The following CSMD1 variants were observed in gnomAD, a reference collection of about 807,000 sequenced individuals.
The protein encoded by CSMD1 is CUB and Sushi multiple domains 1, also known as CUB and sushi domain-containing protein 1.
A neutral mutation model predicts 417.5 loss-of-function variants in CSMD1; 213 were observed. The ratio of observed to expected loss-of-function variants is 0.51; its 90% CI spans 0.46 to 0.57. The LOEUF is 0.57. CSMD1 is among the 20% of genes least tolerant of loss of function. CSMD1 has a pLI of 0.00. For missense variants in CSMD1, 6,923 were observed against 4,529.7 expected (o/e 1.53, Z -15.17); for synonymous variants, 2,862 against 1,736.8 (o/e 1.65, Z -16.11).
At chr8:4,398,388 C>CTTTT (rs767579097) in intron 3 of CSMD1, among the ~76,000 whole-genome samples, 1,275 of 114,312 alleles carry the variant, frequency 0.011, 3 homozygotes, top group Non-Finnish European at 0.015. Context: ...GCTGCAACTT[C>CTTTT]TTTTTTTTTT....
chr8:4,538,863 A>T (rs1797240466), intron 2 of CSMD1, among the ~76,000 whole-genome samples: 1 of 152,190 alleles, frequency 6.6e-6, no homozygotes, highest in Non-Finnish European at 1.5e-5. Context: ...GATTTCTCAA[A>T]TGTACAGTTC....
chr8:4,311,759 G>T (rs568821298), intron 3 of CSMD1, among the ~76,000 whole-genome samples: 1 of 147,806 alleles, frequency 6.8e-6, no homozygotes, highest in Non-Finnish European at 1.5e-5. Context: ...TAAATTATGA[G>T]AGTTCATAGA....
intron 10 of CSMD1, among the ~76,000 whole-genome samples, chr8:3,494,614 G>T (rs527703804): frequency 6.6e-6 from 1 of 151,558 alleles, no homozygotes; most frequent in Non-Finnish European, 1.5e-5. Context: ...ATAGATGACA[G>T]ATAGTAGATA....
chr8:4,506,127 C>T (rs1802513955), intron 2 of CSMD1, among the ~76,000 whole-genome samples: 1 of 152,120 alleles, frequency 6.6e-6, no homozygotes. Flanking sequence ...TTGCCAACAG[C>T]CCAGTTACTG....
intron 26 of CSMD1, among the ~76,000 whole-genome samples, chr8:3,250,069 TTTAA>T (rs1800153798): frequency 6.6e-6 from 1 of 152,256 alleles, no homozygotes; most frequent in African/African-American, 2.4e-5. Context: ...TTTATTTATT[TTTAA>T]TTATACTTTG....
intron 3 of CSMD1, among the ~76,000 whole-genome samples, chr8:4,164,106 A>T (rs1263024119): frequency 7.9e-6 from 1 of 126,854 alleles, no homozygotes; most frequent in Admixed American, 8.2e-5. Flanking sequence ...GTTTTTAAAG[A>T]ATACTTTTAA....
intron 3 of CSMD1, among the ~76,000 whole-genome samples, chr8:4,146,015 CAA>C (rs574141538): frequency 6.7e-6 from 1 of 150,348 alleles, no homozygotes; most frequent in South Asian, 2.1e-4. Context: ...ACTAGGTATT[CAA>C]AAAAAATCTG....
chr8:4,496,922 G>A (rs757988831), intron 2 of CSMD1, among the ~76,000 whole-genome samples: 1 of 152,114 alleles, frequency 6.6e-6, no homozygotes, highest in Non-Finnish European at 1.5e-5. Flanking sequence ...GAATCAAAGA[G>A]CGCAGGCACA....
At chr8:3,348,390 T>C (rs1434541671) in intron 21 of CSMD1, among the ~76,000 whole-genome samples, 1 of 152,168 alleles carries the variant, frequency 6.6e-6, no homozygotes, top group African/African-American at 2.4e-5. Context: ...CAGAATGACC[T>C]CTGACTATGT....
chr8:4,026,582 G>A (rs566955853), intron 4 of CSMD1, among the ~76,000 whole-genome samples: 10 of 152,168 alleles, frequency 6.6e-5, no homozygotes, highest in Non-Finnish European at 1.3e-4. Context: ...AATGTCACAA[G>A]GAACTAAGGA....
chr8:3,874,884 T>C (rs994760422), intron 5 of CSMD1, among the ~76,000 whole-genome samples: 1 of 152,206 alleles, frequency 6.6e-6, no homozygotes, highest in Middle Eastern at 3.4e-3. Context: ...TGAGATCCAC[T>C]GCGATGCTGC....
intron 6 of CSMD1, among the ~76,000 whole-genome samples, chr8:3,741,403 G>T (rs1013711466): frequency 6.6e-6 from 1 of 152,048 alleles, no homozygotes; most frequent in Admixed American, 6.6e-5. Flanking sequence ...ATAGGGCCAG[G>T]TTATCCCATC....
At chr8:4,019,446 ATTCCCTT>A (rs1563325227) in intron 4 of CSMD1, among the ~76,000 whole-genome samples, 1 of 26,402 alleles carries the variant, frequency 3.8e-5, no homozygotes, top group Non-Finnish European at 8.5e-5. Context: ...GGAAGGGAAC[ATTCCCTT>A]ATTAGGGCCC....
chr8:3,880,539 T>C (rs893533241), intron 5 of CSMD1, among the ~76,000 whole-genome samples: 3 of 152,230 alleles, frequency 2.0e-5, no homozygotes, highest in Non-Finnish European at 4.4e-5. Context: ...TTTATTTTAC[T>C]AAGTGCTTCT....
chr8:3,706,384 G>T (rs950588118), intron 7 of CSMD1, among the ~76,000 whole-genome samples: 1 of 152,178 alleles, frequency 6.6e-6, no homozygotes, highest in African/African-American at 2.4e-5. Flanking sequence ...CATTTTCTCT[G>T]TCATACCTTT....
chr8:4,637,532 C>A lies in CSMD1; in HGVS notation c.112G>T (p.Gly38Cys), dbSNP rs1037008169. Residue 38 changes from glycine (G) to cysteine (C), a missense_variant, in exon 2 of 70, where the codon GGT becomes TGT. Transcript: ENST00000635120. ...KGQNCGGLVQ[G>C]PNGTIESPGF... ...GGGCTCTCAATAGTGCCATTGGGAC[C>A]CTGGACTAAGCCTCCACAGTTCTGA... is the stretch of plus-strand genomic sequence containing the variant. The A allele has an allele frequency of 6.8e-6, 11 of 1,613,520 alleles. No individual in the cohort carries two copies. Among genetic ancestry groups the A allele is most frequent in the Non-Finnish European group, 9.3e-6 (11 of 1,179,756 alleles).
chr8:4,487,711 C>A (rs771679101), intron 2 of CSMD1, among the ~76,000 whole-genome samples: 29 of 152,050 alleles, frequency 1.9e-4, no homozygotes, highest in Admixed American at 5.9e-4. Context: ...TGCCAAAATG[C>A]CTGTTTAGAG....
Position 3,421,311 on chromosome 8 carries a change from G to C in CSMD1, c.1562-11706C>G, listed in dbSNP as rs537197349. The stretch of plus-strand genomic sequence containing the variant: ...CTCCACAAGGAAACAGTTGGATATA[G>C]GACGAGAAGGACTGCTCTGAGCCCA... On this transcript the variant is annotated intron_variant, in intron 12 of 69. Coordinates refer to ENST00000635120, the MANE Select transcript of CSMD1 (RefSeq NM_033225.6). Among the ~76,000 whole-genome samples the C allele has an allele frequency of 5.9e-5, 9 of 152,290 alleles. No homozygotes were observed. The South Asian group carries it at 1.7e-3, about 28-fold the overall frequency.
chr8:3,184,676 C>T (rs935079558), intron 36 of CSMD1, among the ~76,000 whole-genome samples: 5 of 152,204 alleles, frequency 3.3e-5, no homozygotes, highest in African/African-American at 1.2e-4. Flanking sequence ...TTTAGGTCAA[C>T]TTCCTGATCT....
Sources: allele counts gnomAD v4.1 joint callset (sites outside exome capture counted in the v4.1 genomes callset), GRCh38; gene constraint gnomAD v4.1.1; transcripts MANE v1.5; gene names NCBI Gene and HGNC (gene_info 2026-07-23, HGNC 2026-07-21).